HMCN1: variants seen among roughly 807,000 people sequenced by gnomAD.
HMCN1 encodes hemicentin-1.
Under a neutral mutation model 625.9 loss-of-function variants are expected in HMCN1, and 321 were observed. The observed-to-expected ratio is 0.51, with a 90% CI of 0.47 to 0.56. HMCN1 has a LOEUF of 0.56. Ranked by LOEUF, HMCN1 falls within the 20% of genes least tolerant of loss-of-function variation. The probability of loss-of-function intolerance (pLI) is 0.00; values close to 1 mark genes in which losing one functional copy is unlikely to be tolerated. For synonymous variants in HMCN1, 2,425 were observed against 2,417.6 expected (o/e 1.00, Z -0.09); for missense variants, 6,588 against 6,887.3 (o/e 0.96, Z 1.54).
In HMCN1 at chr1:186,018,001, A is replaced by G. The variant is rs369767497; in HGVS notation, c.5301-182A>G. 9.2e-5 allele frequency among the ~76,000 whole-genome samples: 14 copies of G among 152,034 alleles called. No individual in the cohort carries two copies. In the East Asian group the frequency reaches 9.6e-4, roughly 10 times the overall value. On this transcript the variant is annotated intron_variant, in intron 33 of 106. Transcript: ENST00000271588. ...ACTCAACCCATAATTATTGGGTTCC[A>G]ACAATATGCCAGCTCTGCGTTAGGC...
chr1:186,128,089 T>C lies in HMCN1; in HGVS notation c.12702T>C (p.Ser4234=), dbSNP rs1661736551. The C allele has an allele frequency of 6.2e-7, 1 of 1,613,356 alleles. No individual in the cohort carries two copies. Among genetic ancestry groups the C allele is most frequent in the Non-Finnish European group, 8.5e-7 (1 of 1,179,514 alleles). Residue 4234 remains serine (S), a synonymous_variant, in exon 83 of 107, where the codon TCT becomes TCC. Coordinates refer to ENST00000271588, the MANE Select transcript of HMCN1 (RefSeq NM_031935.3). ...LILENVVLED[S]GFYTCVANNA... is the part of the protein sequence containing the mutation. ...TTTTTTAATTTTAGCTGGAGGATTC[T>C]GGCTTCTATACCTGTGTTGCTAACA...
intron 100 of HMCN1, among the ~76,000 whole-genome samples, chr1:186,168,938 C>A (rs1652057913): frequency 6.6e-6 from 1 of 152,060 alleles, no homozygotes; most frequent in African/African-American, 2.4e-5. Flanking sequence ...CCTCAACAGG[C>A]CCTGGTGCCT....
At chr1:186,112,258 TGTAA>T (rs573582403) in intron 71 of HMCN1, among the ~76,000 whole-genome samples, 204 of 152,318 alleles carry the variant, frequency 1.3e-3, no homozygotes, top group African/African-American at 4.7e-3. Flanking sequence ...ACCTTTCAGT[TGTAA>T]GTGACAGAAT....
intron 97 of HMCN1, among the ~76,000 whole-genome samples, chr1:186,156,639 T>TCAGTTATTCA (rs1651038538): frequency 6.6e-6 from 1 of 152,216 alleles, no homozygotes; most frequent in South Asian, 2.1e-4. Flanking sequence ...TTATCTCATT[T>TCAGTTATTCA]TGGGAGCCTG....
At chr1:185,818,414 T>G (rs957156523) in intron 1 of HMCN1, among the ~76,000 whole-genome samples, 9 of 152,220 alleles carry the variant, frequency 5.9e-5, no homozygotes, top group Non-Finnish European at 1.2e-4. Flanking sequence ...TTCTTATCAC[T>G]ATTTGTATGA....
chr1:186,039,518 T>G (rs1479684095), intron 38 of HMCN1, among the ~76,000 whole-genome samples: 1 of 152,120 alleles, frequency 6.6e-6, no homozygotes, highest in African/African-American at 2.4e-5. Context: ...TTTCCTCATC[T>G]GTGAAATGGA....
At chr1:185,965,745 CA>C (rs759617426) in intron 13 of HMCN1, 56 bp from the exon 14 acceptor site, 3 of 979,106 alleles carry the variant, frequency 3.1e-6, no homozygotes, top group Non-Finnish European at 5.0e-6. Flanking sequence ...TAAACATAAA[CA>C]AAATCCATCT....
At chr1:185,957,020 A>T (rs1649677854) in intron 11 of HMCN1, 1 of 152,244 alleles carries the variant, frequency 6.6e-6, no homozygotes, top group South Asian at 2.1e-4. Flanking sequence ...TAATTGCTGA[A>T]TAAACCTCAG....
chr1:185,909,175 C>T (rs1465662994), intron 4 of HMCN1, among the ~76,000 whole-genome samples, 162 bp from the exon 5 acceptor site: 1 of 151,968 alleles, frequency 6.6e-6, no homozygotes, highest in Non-Finnish European at 1.5e-5. Context: ...GTACACTAAC[C>T]AGAATTAGAA....
In HMCN1 at chr1:185,909,257, C is replaced by G; in HGVS notation, c.622-80C>G. On this transcript the variant is annotated intron_variant, in intron 4 of 106. Coordinates refer to ENST00000271588, the MANE Select transcript of HMCN1 (RefSeq NM_031935.3). ...AGGATGTGCCGGAGTCATTTGATCA[C>G]CCAAAGGACCTGAAACAGCAATGAT... 3.6e-6 allele frequency: 4 copies of G among 1,110,166 alleles called. No individual in the cohort carries two copies. The South Asian group carries it at 5.0e-5, about 14-fold the overall frequency. 68.8% of individuals were successfully genotyped at this position (1,110,166 alleles called of 1,614,324 possible).
At chr1:185,952,194 C>A (rs565761412) in intron 11 of HMCN1, among the ~76,000 whole-genome samples, 3 of 151,654 alleles carry the variant, frequency 2.0e-5, no homozygotes, top group South Asian at 4.2e-4. Context: ...CTCCAGCCAC[C>A]TTTTTAAGGG....
intron 5 of HMCN1, among the ~76,000 whole-genome samples, chr1:185,910,270 C>T (rs1465432975): frequency 1.3e-5 from 2 of 151,932 alleles, no homozygotes; most frequent in Non-Finnish European, 2.9e-5. Flanking sequence ...CAAAAGAAAA[C>T]AACCTATGAA....
intron 102 of HMCN1, among the ~76,000 whole-genome samples, chr1:186,173,670 A>G (rs1475342468): frequency 2.7e-5 from 4 of 146,770 alleles, no homozygotes; most frequent in Admixed American, 6.8e-5. Context: ...AAAGAAAAAA[A>G]AAAAGTAGCA....
At chr1:185,983,479 A>G (rs1046685495) in intron 18 of HMCN1, among the ~76,000 whole-genome samples, 1 of 152,226 alleles carries the variant, frequency 6.6e-6, no homozygotes, top group African/African-American at 2.4e-5. Flanking sequence ...CATCTAAGAA[A>G]ATGTAAAATT....
rs114310746 is a variant in HMCN1, at chr1:185,853,158, A to C, written c.339+7062A>C. Among the ~76,000 whole-genome samples, 115 of 152,302 alleles carry C rather than the reference A, an allele frequency of 7.6e-4. 1 individual carries two copies. The highest frequency in any genetic ancestry group is 4.1e-4 in the South Asian group (2 of 4,834). On this transcript the variant is annotated intron_variant, in intron 2 of 106. Transcript: ENST00000271588. ...TCAAAGTAGGAAAGTAAAGAATTAAAGACAGATGTATGTCTAGGGCTGATC... is the reference window on the plus strand; with the variant it reads ...TCAAAGTAGGAAAGTAAAGAATTAACGACAGATGTATGTCTAGGGCTGATC...
chr1:186,025,575 CTG>C (rs373200921), intron 36 of HMCN1, among the ~76,000 whole-genome samples: 3 of 152,266 alleles, frequency 2.0e-5, no homozygotes, highest in Admixed American at 6.5e-5. Flanking sequence ...AAACCAGAGT[CTG>C]TGAGAGAAAT....
In HMCN1 at chr1:186,061,805, C is replaced by T. The variant is rs1322836775; in HGVS notation, c.7313-46C>T. The T allele has an allele frequency of 2.9e-6, 4 of 1,379,198 alleles. No homozygotes were observed. The Admixed American group carries it at 6.9e-5, about 24-fold the overall frequency. 85.4% of individuals were successfully genotyped at this position (1,379,198 alleles called of 1,614,324 possible). On this transcript the variant is annotated intron_variant, in intron 46 of 106. Coordinates refer to ENST00000271588, the MANE Select transcript of HMCN1 (RefSeq NM_031935.3). ...ATCACTTGGATGGCTTATAAAGTTT[C>T]ATTTTTCTTTTTAAGTTATCTTAAA... is the stretch of plus-strand genomic sequence containing the variant.
At chr1:185,936,785 G>A (rs941987743) in intron 11 of HMCN1, among the ~76,000 whole-genome samples, 3 of 152,194 alleles carry the variant, frequency 2.0e-5, no homozygotes, top group African/African-American at 7.2e-5. Context: ...GCAGAGGGGA[G>A]CATCACATCT....
chr1:185,789,929 C>T (rs1657880168), intron 1 of HMCN1, among the ~76,000 whole-genome samples: 1 of 152,202 alleles, frequency 6.6e-6, no homozygotes, highest in South Asian at 2.1e-4. Flanking sequence ...CTGCCTAAAT[C>T]TGTTTAAAAG....
Sources: gnomAD v4.1 joint callset for allele counts (sites outside exome capture counted in the v4.1 genomes callset) on GRCh38, gnomAD v4.1.1 for gene constraint, MANE v1.5 for transcripts, NCBI Gene and HGNC (gene_info 2026-07-23, HGNC 2026-07-21) for gene names.